Variants in CAPN9 observed in about 807,000 individuals in gnomAD.
CAPN9 encodes the protein calpain-9.
In CAPN9, 81 loss-of-function variants were observed where a neutral mutation model predicts 92.8. The ratio of observed to expected loss-of-function variants is 0.87; its 90% CI spans 0.73 to 1.05. CAPN9 has a LOEUF of 1.05. Among genes scored for constraint, CAPN9 ranks in the 50% least tolerant of loss-of-function variants. The pLI is 0.00. For missense variants in CAPN9, 848 were observed against 866.2 expected (o/e 0.98, Z 0.26); for synonymous variants, 304 against 328.0 (o/e 0.93, Z 0.79).
intron 1 of CAPN9, chr1:230,752,773 G>A (rs1664930011): frequency 1.1e-6 from 1 of 906,694 alleles, no homozygotes; most frequent in South Asian, 5.1e-5. Flanking sequence ...CCCTGGCAGG[G>A]GCTGGGCAAT....
At chr1:230,751,827 G>A (rs1283549571) in intron 1 of CAPN9, among the ~76,000 whole-genome samples, 1 of 115,678 alleles carries the variant, frequency 8.6e-6, no homozygotes, top group Non-Finnish European at 1.7e-5. Context: ...AGTGCTCCAG[G>A]AAAACCACCT....
At chr1:230,790,625 C>A (rs1234007841) in intron 14 of CAPN9, among the ~76,000 whole-genome samples, 1 of 152,158 alleles carries the variant, frequency 6.6e-6, no homozygotes, top group Non-Finnish European at 1.5e-5. Context: ...ATTCTATTTA[C>A]ATATTCTGAA....
At chr1:230,785,782 A>T (rs1407960735) in intron 11 of CAPN9, among the ~76,000 whole-genome samples, 199 bp from the exon 12 acceptor site, 1 of 152,266 alleles carries the variant, frequency 6.6e-6, no homozygotes, top group East Asian at 1.9e-4. Flanking sequence ...CCTCTTATTT[A>T]CATTCTGAGC....
chr1:230,801,256 G>C (rs181454597), intron 19 of CAPN9, among the ~76,000 whole-genome samples: 1 of 152,092 alleles, frequency 6.6e-6, no homozygotes, highest in Non-Finnish European at 1.5e-5. Context: ...ACTTAATACT[G>C]CCCTGCCCAA....
intron 19 of CAPN9, among the ~76,000 whole-genome samples, chr1:230,798,825 GAGAGA>G (rs1243197887): frequency 6.6e-6 from 1 of 152,184 alleles, no homozygotes; most frequent in Non-Finnish European, 1.5e-5. Flanking sequence ...CATCACTTAG[GAGAGA>G]GCGTTGGAAA....
At chr1:230,747,807 G>T (rs1013711597) in intron 1 of CAPN9, 98 bp downstream of exon 1, 7 of 1,053,170 alleles carry the variant, frequency 6.6e-6, no homozygotes, top group Non-Finnish European at 1.0e-5. Flanking sequence ...GGCCGGCTAC[G>T]CTCAGTGCAA....
intron 1 of CAPN9, among the ~76,000 whole-genome samples, chr1:230,751,072 C>G (rs967634845): frequency 1.4e-4 from 21 of 152,300 alleles, no homozygotes; most frequent in African/African-American, 3.4e-4. Context: ...AATTCCCCCC[C>G]ACCAATTCTC....
At chr1:230,780,807 C>T in intron 11 of CAPN9, 99 bp downstream of exon 11, 1 of 879,234 alleles carries the variant, frequency 1.1e-6, no homozygotes, top group Non-Finnish European at 1.9e-6. Context: ...CCATTCTTCC[C>T]TTTCCCATGT....
chr1:230,775,052 T>C (rs1435721395), intron 8 of CAPN9, among the ~76,000 whole-genome samples: 2 of 152,018 alleles, frequency 1.3e-5, no homozygotes, highest in African/African-American at 2.4e-5. Flanking sequence ...TCTCTCTCCA[T>C]TTTTGGCAAA....
intron 19 of CAPN9, 57 bp downstream of exon 19, chr1:230,798,277 C>A: frequency 3.5e-6 from 4 of 1,140,000 alleles, no homozygotes; most frequent in Admixed American, 1.8e-5. Flanking sequence ...GCAGAGTCCA[C>A]GCTGCATAGA....
chr1:230,762,138 C>T (rs943169115), intron 3 of CAPN9, among the ~76,000 whole-genome samples: 4 of 152,238 alleles, frequency 2.6e-5, no homozygotes, highest in African/African-American at 9.6e-5. Flanking sequence ...CTGAGTCCAC[C>T]TGCCTCCTAT....
intron 1 of CAPN9, among the ~76,000 whole-genome samples, chr1:230,751,611 GAAAGAA>G (rs1664808759): frequency 4.6e-5 from 1 of 21,922 alleles, no homozygotes; most frequent in Non-Finnish European, 8.7e-5. Flanking sequence ...GAAAGAAAGA[GAAAGAA>G]AGAAAGAAAG....
chr1:230,799,497 A>G (rs1462077344), intron 19 of CAPN9, among the ~76,000 whole-genome samples: 1 of 152,210 alleles, frequency 6.6e-6, no homozygotes, highest in East Asian at 1.9e-4. Context: ...CGGTGAGCCA[A>G]ATGGGGATAC....
At chr1:230,770,435 C>A (rs556947154) in intron 6 of CAPN9, among the ~76,000 whole-genome samples, 1 of 152,262 alleles carries the variant, frequency 6.6e-6, no homozygotes, top group South Asian at 2.1e-4. Flanking sequence ...TCATGTCACC[C>A]AGAAGCACCC....
intron 3 of CAPN9, among the ~76,000 whole-genome samples, chr1:230,761,784 G>T (rs553904146): frequency 6.6e-6 from 1 of 152,276 alleles, no homozygotes; most frequent in African/African-American, 2.4e-5. Context: ...GGTAGGAGGT[G>T]GGTCACTGCA....
At position 230,780,585 on chromosome 1, in the gene CAPN9, G is replaced by A; in HGVS notation, c.1358G>A (p.Arg453Lys). ...AGAAGCAAGACGTTCATCAACCTGA[G>A]AGAAGTCTCCGACCGGTTCAAGCTG... ...RARSKTFINL[R>K]EVSDRFKLPP... The change falls in exon 11 of 20, where the codon AGA becomes AAA. Residue 453 changes from arginine (R) to lysine (K), a missense_variant. Coordinates refer to ENST00000271971, the MANE Select transcript of CAPN9 (RefSeq NM_006615.3). 2 of 1,614,162 alleles carry A rather than the reference G, an allele frequency of 1.2e-6. No homozygotes were observed. The highest frequency in any genetic ancestry group is 1.7e-6 in the Non-Finnish European group (2 of 1,180,028).
At position 230,759,522 on chromosome 1, in the gene CAPN9, G is replaced by A. The variant is rs146559174; in HGVS notation, c.294G>A (p.Trp98Ter). The stretch of plus-strand genomic sequence containing the variant: ...GCTTCCATTTTGCAGGAGACTGCTG[G>A]CTATTAGCCGCCATCGCCTCCCTTA... ...DICQGELGDC[W>*]LLAAIASLTL... The change falls in exon 3 of 20, where the codon TGG (tryptophan) becomes TGA (stop). Residue 98 changes from tryptophan to a stop codon, truncating the protein, a stop_gained. Coordinates refer to ENST00000271971, the MANE Select transcript of CAPN9 (RefSeq NM_006615.3). LOFTEE classifies it high-confidence loss of function. 8.1e-6 allele frequency: 13 copies of A among 1,607,442 alleles called. No individual in the cohort carries two copies. The African/African-American group carries it at 1.5e-4, about 18-fold the overall frequency.
Position 230,759,618 on chromosome 1 carries a change from A to T in CAPN9, c.390A>T (p.Ile130=), listed in dbSNP as rs150539773. 740 of 1,604,676 alleles carry T rather than the reference A, an allele frequency of 4.6e-4. No individual in the cohort carries two copies. The highest frequency in any genetic ancestry group is 5.9e-4 in the Non-Finnish European group (694 of 1,176,744). The stretch of plus-strand genomic sequence containing the variant: ...GCTTTGGCCCTGGTTATGCCGGGAT[A>T]TTCCATTTCCAGGTAAGAGGGAGCC... ...DQSFGPGYAG[I]FHFQFWQHSE... The change falls in exon 3 of 20, where the codon ATA becomes ATT. Residue 130 remains isoleucine (I), a synonymous_variant. Transcript: ENST00000271971.
intron 2 of CAPN9, among the ~76,000 whole-genome samples, chr1:230,757,345 C>T (rs999146468): frequency 6.6e-6 from 1 of 152,196 alleles, no homozygotes; most frequent in African/African-American, 2.4e-5. Flanking sequence ...ACCCCGTAGT[C>T]CTCCATTGCT....
Sources: allele counts gnomAD v4.1 joint callset (sites outside exome capture counted in the v4.1 genomes callset), GRCh38; gene constraint gnomAD v4.1.1; transcripts MANE v1.5; gene names NCBI Gene and HGNC (gene_info 2026-07-23, HGNC 2026-07-21).